Variants in DCC observed in about 807,000 individuals in gnomAD.
DCC encodes netrin receptor DCC.
In DCC, 58 loss-of-function variants were observed where a neutral mutation model predicts 172.5. That is an observed-to-expected ratio of 0.34 (90% CI 0.27 to 0.42). The LOEUF is 0.42. Among genes scored for constraint, DCC ranks in the 10% least tolerant of loss-of-function variants. The pLI, the probability that DCC is intolerant of heterozygous loss-of-function variation, is 1.00. For missense variants in DCC, 1,740 were observed against 1,791.0 expected (o/e 0.97, Z 0.51); for synonymous variants, 709 against 644.5 (o/e 1.10, Z -1.52).
chr18:52,716,066 A>G (rs111541467), intron 1 of DCC, among the ~76,000 whole-genome samples: 3,420 of 152,150 alleles, frequency 0.022, 124 homozygotes, highest in African/African-American at 0.077. Flanking sequence ...CCCTGCTCAG[A>G]CCTTGGGAGC....
At chr18:52,504,015 A>G (rs547820197) in intron 1 of DCC, among the ~76,000 whole-genome samples, 3 of 152,024 alleles carry the variant, frequency 2.0e-5, no homozygotes, top group Non-Finnish European at 4.4e-5. Context: ...CAACCTTATA[A>G]ACATAAATGG....
chr18:52,899,633 G>T (rs1201764636), intron 2 of DCC, among the ~76,000 whole-genome samples: 1 of 151,790 alleles, frequency 6.6e-6, no homozygotes, highest in Non-Finnish European at 1.5e-5. Context: ...GGGATTACGG[G>T]CATGAGCCAC....
chr18:52,380,501 C>G (rs1985539352), intron 1 of DCC, among the ~76,000 whole-genome samples: 1 of 151,986 alleles, frequency 6.6e-6, no homozygotes, highest in African/African-American at 2.4e-5. Flanking sequence ...CTCTCCATTC[C>G]CCACATCTCT....
At chr18:53,349,940 C>T (rs897154503) in intron 15 of DCC, among the ~76,000 whole-genome samples, 4 of 152,128 alleles carry the variant, frequency 2.6e-5, no homozygotes, top group Non-Finnish European at 5.9e-5. Context: ...AGTTGAACTT[C>T]TGACTAGTAA....
intron 13 of DCC, among the ~76,000 whole-genome samples, chr18:53,312,023 C>T (rs1736024603): frequency 1.3e-5 from 2 of 151,762 alleles, no homozygotes. Context: ...GATTACCATA[C>T]AGTGGGTAGG....
intron 5 of DCC, among the ~76,000 whole-genome samples, chr18:52,947,853 A>C (rs2040573107): frequency 6.6e-6 from 1 of 152,178 alleles, no homozygotes. Context: ...ATTCTTACTG[A>C]ATTTCAAACC....
chr18:52,971,497 G>A (rs1009267451), intron 5 of DCC, among the ~76,000 whole-genome samples: 19 of 141,014 alleles, frequency 1.3e-4, no homozygotes, highest in African/African-American at 1.9e-4. Context: ...AGAGGTGTGC[G>A]TGTGTGTGTG....
intron 2 of DCC, among the ~76,000 whole-genome samples, chr18:52,839,582 C>T (rs2038769742): frequency 6.6e-6 from 1 of 152,188 alleles, no homozygotes; most frequent in African/African-American, 2.4e-5. Flanking sequence ...GACAACATTG[C>T]TGAATATTAT....
At chr18:52,669,842 T>G (rs117391074) in intron 1 of DCC, among the ~76,000 whole-genome samples, 1 of 151,300 alleles carries the variant, frequency 6.6e-6, no homozygotes, top group East Asian at 1.9e-4. Context: ...GAGAAGCGTT[T>G]GAAAAAACAA....
chr18:52,927,458 A>G (rs969648624), intron 5 of DCC, among the ~76,000 whole-genome samples: 1 of 151,914 alleles, frequency 6.6e-6, no homozygotes, highest in Non-Finnish European at 1.5e-5. Context: ...TACTTTTGGT[A>G]TCTTGGCATG....
Position 53,079,635 on chromosome 18 carries a change from G to A in DCC, c.1261+13469G>A, listed in dbSNP as rs116446405. On this transcript the variant is annotated intron_variant, in intron 7 of 28. Transcript: ENST00000442544. ...TTTTGAATCCCAGGAATATTTAAGT[G>A]CAAGATATAGGGGTAAGAAAAAGGA... Among the ~76,000 whole-genome samples the A allele has an allele frequency of 6.0e-3, 909 of 152,206 alleles. 12 individuals carry two copies. Among genetic ancestry groups the A allele is most frequent in the African/African-American group, 0.019 (785 of 41,552 alleles).
chr18:53,079,019 G>C (rs2042762002), intron 7 of DCC, among the ~76,000 whole-genome samples: 1 of 152,128 alleles, frequency 6.6e-6, no homozygotes, highest in African/African-American at 2.4e-5. Context: ...CGCCTGAGTT[G>C]TATGAAAATG....
At chr18:52,475,279 C>T (rs557564951) in intron 1 of DCC, among the ~76,000 whole-genome samples, 4 of 152,128 alleles carry the variant, frequency 2.6e-5, no homozygotes, top group Non-Finnish European at 5.9e-5. Context: ...ATTCAGTAGG[C>T]ACTGTCAGGG....
intron 1 of DCC, among the ~76,000 whole-genome samples, chr18:52,392,805 A>G (rs1268384806): frequency 6.6e-6 from 1 of 152,110 alleles, no homozygotes; most frequent in Non-Finnish European, 1.5e-5. Flanking sequence ...AAAATATGGA[A>G]AGACCATAAA....
At chr18:53,152,020 G>A (rs917940673) in intron 7 of DCC, among the ~76,000 whole-genome samples, 2 of 152,108 alleles carry the variant, frequency 1.3e-5, no homozygotes, top group African/African-American at 2.4e-5. Flanking sequence ...AAGGAGAAAT[G>A]ATAGTTGTTT....
intron 2 of DCC, among the ~76,000 whole-genome samples, chr18:52,758,090 T>C (rs1449574543): frequency 6.6e-6 from 1 of 152,184 alleles, no homozygotes; most frequent in Non-Finnish European, 1.5e-5. Flanking sequence ...CCCTTGAAAA[T>C]GTCAACTCCT....
intron 1 of DCC, among the ~76,000 whole-genome samples, chr18:52,593,254 C>T (rs2033838941): frequency 6.6e-6 from 1 of 152,140 alleles, no homozygotes; most frequent in South Asian, 2.1e-4. Context: ...CAATGTCCTG[C>T]CAGTTTTCTA....
chr18:52,923,558 G>A, intron 3 of DCC, 149 bp from the exon 4 acceptor site: 2 of 685,228 alleles, frequency 2.9e-6, no homozygotes, highest in Non-Finnish European at 5.2e-6. Flanking sequence ...ATACACTTGG[G>A]ATGAAAAAAA....
chr18:52,782,502 C>T (rs1039500264), intron 2 of DCC, among the ~76,000 whole-genome samples: 1 of 151,966 alleles, frequency 6.6e-6, no homozygotes, highest in African/African-American at 2.4e-5. Flanking sequence ...TCTGCACACT[C>T]TAGTGTCCCA....
Sources: gnomAD v4.1 joint callset for allele counts (sites outside exome capture counted in the v4.1 genomes callset) on GRCh38, gnomAD v4.1.1 for gene constraint, MANE v1.5 for transcripts, NCBI Gene and HGNC (gene_info 2026-07-23, HGNC 2026-07-21) for gene names.